NAA11: variants seen among roughly 807,000 people sequenced by gnomAD.
The protein encoded by NAA11 is N-alpha-acetyltransferase 11.
NAA11 carries 15 observed loss-of-function variants against 16.1 expected under a neutral mutation model. That is an observed-to-expected ratio of 0.93 (90% CI 0.62 to 1.44). The LOEUF (loss-of-function observed/expected upper bound fraction) is 1.44, where lower values mean the gene tolerates loss of function less well. Ranked by LOEUF, NAA11 falls within the 40% of genes most tolerant of loss-of-function variation. The pLI is 0.00. For synonymous variants in NAA11, 122 were observed against 112.4 expected (o/e 1.09, Z -0.54); for missense variants, 298 against 291.3 (o/e 1.02, Z -0.17).
At chr4:79,178,531 A>G in the NAA11 span, among the ~76,000 whole-genome samples, 19 of 152,354 alleles carry the variant, frequency 1.2e-4, no homozygotes, top group South Asian at 3.9e-3. Context: ...GCTTCTATTC[A>G]TCCAGCAAAT....
the NAA11 span, among the ~76,000 whole-genome samples, chr4:79,205,330 A>C: frequency 6.6e-6 from 1 of 151,500 alleles, no homozygotes; most frequent in East Asian, 2.0e-4. Context: ...GCCGACATCT[A>C]TTTTTGTTTT....
chr4:79,281,546 T>C (rs1484894410), intron 2 of NAA11, among the ~76,000 whole-genome samples: 1 of 152,082 alleles, frequency 6.6e-6, no homozygotes, highest in East Asian at 1.9e-4. Context: ...AGTTCTTTGT[T>C]GTCGAGTCCA....
intron 2 of NAA11, among the ~76,000 whole-genome samples, chr4:79,236,769 G>T (rs911304693): frequency 6.6e-6 from 1 of 152,090 alleles, no homozygotes; most frequent in African/African-American, 2.4e-5. Flanking sequence ...ATTATAAAGG[G>T]TTGCACAAAC....
intron 2 of NAA11, among the ~76,000 whole-genome samples, chr4:79,266,691 A>T (rs1434188941): frequency 6.6e-6 from 1 of 152,200 alleles, no homozygotes; most frequent in Non-Finnish European, 1.5e-5. Context: ...GGTTGAAGGC[A>T]CCTGAAGAAC....
chr4:79,160,939 G>A, the NAA11 span, among the ~76,000 whole-genome samples: 14,816 of 152,040 alleles, frequency 0.097, 921 homozygotes, highest in Middle Eastern at 0.14. Flanking sequence ...AGTAAATTTG[G>A]GATGGTTAAG....
At chr4:79,222,588 G>A (rs1458887344), downstream of NAA11, among the ~76,000 whole-genome samples, 4 of 148,036 alleles carry the variant, frequency 2.7e-5, no homozygotes, top group African/African-American at 1.0e-4. Flanking sequence ...GCATGGGCAA[G>A]GACTTCATGT....
chr4:79,231,309 G>C, intron 2 of NAA11, among the ~76,000 whole-genome samples: 1 of 151,962 alleles, frequency 6.6e-6, no homozygotes, highest in East Asian at 1.9e-4. Context: ...ATTGGGAAGA[G>C]AGGAAACTGC....
Position 79,319,860 on chromosome 4 carries a change from C to T in NAA11, c.*13-2069G>A, listed in dbSNP as rs577571080. ...TTCTTCCATATTTCATTATATCATT[C>T]CAGTTATAATTAGTTGTCTGGTAAA... On this transcript the variant is annotated intron_variant, in intron 1 of 1. Transcript: ENST00000286794. 1.3e-3 allele frequency among the ~76,000 whole-genome samples: 197 copies of T among 152,198 alleles called. 2 individuals are homozygous for T. The highest frequency in any genetic ancestry group is 1.0e-3 in the Non-Finnish European group (68 of 68,014).
At chr4:79,202,628 T>G in the NAA11 span, among the ~76,000 whole-genome samples, 1 of 101,946 alleles carries the variant, frequency 9.8e-6, no homozygotes, top group African/African-American at 3.1e-5. Context: ...TAGTTTTATA[T>G]ATATATATAT....
chr4:79,270,432 C>T (rs775325779), intron 2 of NAA11, among the ~76,000 whole-genome samples: 2 of 150,190 alleles, frequency 1.3e-5, no homozygotes, highest in African/African-American at 4.9e-5. Flanking sequence ...GATTCACCGC[C>T]GAATTCTACC....
the NAA11 span, among the ~76,000 whole-genome samples, chr4:79,213,790 T>TAAAAC: frequency 6.6e-6 from 1 of 152,196 alleles, no homozygotes; most frequent in South Asian, 2.1e-4. Context: ...CCACTTGTTT[T>TAAAAC]GGTTATGCTT....
the NAA11 span, among the ~76,000 whole-genome samples, chr4:79,167,316 A>C: frequency 7.0e-6 from 1 of 142,304 alleles, no homozygotes; most frequent in East Asian, 2.1e-4. Context: ...GTAAGAAATC[A>C]GGGAAGAGTA....
chr4:79,309,264 A>G (rs990649504), intron 1 of NAA11, among the ~76,000 whole-genome samples: 10 of 152,066 alleles, frequency 6.6e-5, no homozygotes, highest in Admixed American at 5.2e-4. Context: ...TTAACAGACA[A>G]AACAGAATTT....
rs367672502 is a variant in NAA11 at position 79,325,308 on chromosome 4, C to A, written c.570G>T (p.Glu190Asp). 50 of 1,613,802 alleles carry A rather than the reference C, an allele frequency of 3.1e-5. No homozygotes were observed. Among genetic ancestry groups the A allele is most frequent in the Middle Eastern group, 1.6e-4 (1 of 6,084 alleles). Reference protein sequence around the residue: ...TQGSTLSDSEEACQQKNPATE... With the variant: ...TQGSTLSDSEDACQQKNPATE... ...TAGCCGGGTTCTTTTGCTGACAGGC[C>A]TCTTCAGAATCAGAAAGTGTGCTGC... The change falls in exon 1 of 2, where the codon GAG becomes GAT. Residue 190 changes from glutamate (E) to aspartate (D), a missense_variant. Physicochemically the swap from Glu to Asp is conservative, Grantham distance 45 (BLOSUM62 2). Coordinates refer to ENST00000286794, the MANE Select transcript of NAA11 (RefSeq NM_032693.3).
chr4:79,196,955 C>CAAAAAAAAAAAAAAAAAAAAA, the NAA11 span, among the ~76,000 whole-genome samples: 118 of 86,188 alleles, frequency 1.4e-3, no homozygotes, highest in African/African-American at 2.5e-3. Flanking sequence ...ATGAAAAAGA[C>CAAAAAAAAAAAAAAAAAAAAA]AAAAAAAAAA....
At chr4:79,302,011 T>A (rs1723399946) in intron 1 of NAA11, among the ~76,000 whole-genome samples, 1 of 152,204 alleles carries the variant, frequency 6.6e-6, no homozygotes, top group African/African-American at 2.4e-5. Context: ...AATTTCCTCT[T>A]ATTCTATTTA....
At chr4:79,293,370 A>C (rs1277974753) in intron 2 of NAA11, among the ~76,000 whole-genome samples, 1 of 152,226 alleles carries the variant, frequency 6.6e-6, no homozygotes, top group Non-Finnish European at 1.5e-5. Context: ...TACAGTAGAG[A>C]ATCCCAATAA....
chr4:79,325,962 G>T lies in NAA11; in HGVS notation c.-85C>A, dbSNP rs1335381128. ...CCTTAAGGGGCACTGTTTGCCTCAG[G>T]AATCGAGTCCAGGGGGCTAACACCA... is the stretch of plus-strand genomic sequence containing the variant. On this transcript the variant is annotated 5_prime_UTR_variant, in exon 1 of 2. Coordinates refer to ENST00000286794, the MANE Select transcript of NAA11 (RefSeq NM_032693.3). The T allele has an allele frequency of 2.4e-6, 3 of 1,243,524 alleles. No homozygotes were observed. Among genetic ancestry groups the T allele is most frequent in the South Asian group, 1.5e-5 (1 of 67,084 alleles). The allele number at this position is 1,243,524 out of a possible 1,614,324, so 77.0% of individuals were successfully genotyped here. A position where few individuals can be genotyped will look rare whatever the true frequency, so the allele number is the denominator to read the frequency against.
the NAA11 span, among the ~76,000 whole-genome samples, chr4:79,206,906 C>T: frequency 6.6e-6 from 1 of 152,002 alleles, no homozygotes; most frequent in Non-Finnish European, 1.5e-5. Context: ...TTTACAGCAT[C>T]AAAGAACAAG....
Sources: gnomAD v4.1 joint callset for allele counts (sites outside exome capture counted in the v4.1 genomes callset) on GRCh38, gnomAD v4.1.1 for gene constraint, MANE v1.5 for transcripts, NCBI Gene and HGNC (gene_info 2026-07-23, HGNC 2026-07-21) for gene names.